Variants in CRYBA1 observed in about 807,000 individuals in gnomAD.
CRYBA1 encodes beta-crystallin A3.
CRYBA1 carries 25 observed loss-of-function variants against 36.2 expected under a neutral mutation model. The ratio of observed to expected loss-of-function variants is 0.69; its 90% CI spans 0.50 to 0.97. The LOEUF (loss-of-function observed/expected upper bound fraction) is 0.97, where lower values mean the gene tolerates loss of function less well. CRYBA1 is among the 50% of genes least tolerant of loss of function. CRYBA1 has a pLI of 0.00. For missense variants in CRYBA1, 224 were observed against 276.3 expected (o/e 0.81, Z 1.34); for synonymous variants, 111 against 90.0 (o/e 1.23, Z -1.32).
chr17:29,252,038 G>A, intron 3 of CRYBA1, 26 bp from the exon 4 acceptor site: 2 of 1,614,130 alleles, frequency 1.2e-6, no homozygotes, highest in Middle Eastern at 1.6e-4. Flanking sequence ...TGAACACCAT[G>A]AACAAACACT....
At position 29,246,860 on chromosome 17, in the gene CRYBA1, C is replaced by T. The variant is rs1254310688; in HGVS notation, c.-4C>T. The T allele has an allele frequency of 1.2e-6, 2 of 1,612,556 alleles. No individual in the cohort carries two copies. Among genetic ancestry groups the T allele is most frequent in the Non-Finnish European group, 1.7e-6 (2 of 1,179,734 alleles). ...GAGGAGGGCCACAGAGCAAGTGGTACCAGATGGAGACCCAGGCTGAGCAGC... is the reference window on the plus strand; with the variant it reads ...GAGGAGGGCCACAGAGCAAGTGGTATCAGATGGAGACCCAGGCTGAGCAGC... On this transcript the variant is annotated 5_prime_UTR_variant, in exon 1 of 6. Transcript: ENST00000225387.
At chr17:29,250,994 A>C (rs1012737923) in intron 3 of CRYBA1, among the ~76,000 whole-genome samples, 1 of 152,222 alleles carries the variant, frequency 6.6e-6, no homozygotes, top group Non-Finnish European at 1.5e-5. Flanking sequence ...ACCAAAATTA[A>C]GCTCTTCAGT....
Position 29,250,214 on chromosome 17 carries a change from C to A in CRYBA1, c.129C>A (p.Gly43=). 6.2e-7 allele frequency: 1 copy of A among 1,610,300 alleles called. No homozygotes were observed. Among genetic ancestry groups the A allele is most frequent in the Non-Finnish European group, 8.5e-7 (1 of 1,176,454 alleles). ...ITIYDQENFQ[G]KRMEFTSSCP... is the part of the protein sequence containing the mutation. ...TCTATGATCAGGAGAACTTTCAGGG[C>A]AAGAGGATGGAGTTCACCAGCTCCT... Residue 43 remains glycine (G), a synonymous_variant, in exon 3 of 6, where the codon GGC becomes GGA. Transcript: ENST00000225387.
At chr17:29,251,799 G>A (rs1433778827) in intron 3 of CRYBA1, among the ~76,000 whole-genome samples, 2 of 152,136 alleles carry the variant, frequency 1.3e-5, no homozygotes, top group Non-Finnish European at 2.9e-5. Flanking sequence ...ATTTTAGATT[G>A]GCTTTGCTAA....
intron 2 of CRYBA1, among the ~76,000 whole-genome samples, 191 bp downstream of exon 2, chr17:29,249,397 G>A (rs2068921904): frequency 6.6e-6 from 1 of 152,242 alleles, no homozygotes; most frequent in Admixed American, 6.5e-5. Flanking sequence ...AAGGAAGGAT[G>A]ACTGTGGATG....
At chr17:29,254,064 T>C in intron 5 of CRYBA1, 138 bp from the exon 6 acceptor site, 2 of 966,236 alleles carry the variant, frequency 2.1e-6, no homozygotes, top group South Asian at 1.4e-5. Flanking sequence ...AAATAGTGCC[T>C]GACACATTTA....
Position 29,246,900 on chromosome 17 carries a change from T to C in CRYBA1, c.31+6T>C. 1 of 1,610,336 alleles carries C rather than the reference T, an allele frequency of 6.2e-7. No individual in the cohort carries two copies. Among genetic ancestry groups the C allele is most frequent in the Non-Finnish European group, 8.5e-7 (1 of 1,178,752 alleles). On this transcript the variant is annotated splice_donor_region_variant and intron_variant, in intron 1 of 5. Coordinates refer to ENST00000225387, the MANE Select transcript of CRYBA1 (RefSeq NM_005208.5). ...GGCTGAGCAGCAGGAGCTGGGTGAG[T>C]AAGGCCCTCAGGGTGCCCTTGCCCT...
chr17:29,247,192 T>C (rs1391733069), intron 1 of CRYBA1, among the ~76,000 whole-genome samples: 2 of 152,122 alleles, frequency 1.3e-5, no homozygotes, highest in African/African-American at 4.8e-5. Context: ...AGATTCAGAA[T>C]GGAAAAATAT....
At chr17:29,248,747 A>G (rs2068917052) in intron 1 of CRYBA1, among the ~76,000 whole-genome samples, 1 of 151,624 alleles carries the variant, frequency 6.6e-6, no homozygotes, top group South Asian at 2.1e-4. Flanking sequence ...GCGGTGGATC[A>G]CTTGAGGTCA....
intron 4 of CRYBA1, among the ~76,000 whole-genome samples, chr17:29,252,970 C>T (rs974634960): frequency 6.6e-6 from 1 of 152,162 alleles, no homozygotes; most frequent in African/African-American, 2.4e-5. Flanking sequence ...CTTTTAAAAA[C>T]ATTTCATTTG....
Position 29,250,163 on chromosome 17 carries a change from CCATT to C in CRYBA1, c.97-16_97-13del. ...TTCCTGATGTTCTAGCTCTCTTGCG[CCATT>C]CAATCTCATTTCAGATAACCATCTA... On this transcript the variant is annotated splice_polypyrimidine_tract_variant and intron_variant, in intron 2 of 5. Coordinates refer to ENST00000225387, the MANE Select transcript of CRYBA1 (RefSeq NM_005208.5). The C allele has an allele frequency of 1.5e-6, 2 of 1,338,884 alleles. No homozygotes were observed. Among genetic ancestry groups the C allele is most frequent in the South Asian group, 1.2e-5 (1 of 85,588 alleles). 82.9% of individuals were successfully genotyped at this position (1,338,884 alleles called of 1,614,324 possible). A position where few individuals can be genotyped will look rare whatever the true frequency, so the allele number is the denominator to read the frequency against.
Position 29,254,243 on chromosome 17 carries a change from A to C in CRYBA1, c.542A>C (p.Tyr181Ser), listed in dbSNP as rs748058848. The change falls in exon 6 of 6, where the codon TAT (tyrosine) becomes TCT (serine). Residue 181 changes from tyrosine to serine, a missense_variant. By Grantham distance (144) the Tyr-to-Ser change is moderately radical. Coordinates refer to ENST00000225387, the MANE Select transcript of CRYBA1 (RefSeq NM_005208.5). ...TATCCTGGATATCGTGGGTATCAGTATATCTTGGAATGTGACCATCATGGA... is the reference window on the plus strand; with the variant it reads ...TATCCTGGATATCGTGGGTATCAGTCTATCTTGGAATGTGACCATCATGGA... ...YQYPGYRGYQ[Y>S]ILECDHHGGD... 2.5e-6 allele frequency: 4 copies of C among 1,614,176 alleles called. No homozygotes were observed. Among genetic ancestry groups the C allele is most frequent in the Admixed American group, 3.3e-5 (2 of 60,016 alleles).
At chr17:29,248,491 A>T (rs1188613667) in intron 1 of CRYBA1, among the ~76,000 whole-genome samples, 2 of 150,610 alleles carry the variant, frequency 1.3e-5, no homozygotes, top group Non-Finnish European at 3.0e-5. Context: ...CAGCCTCCCG[A>T]GTAGCTGGGA....
Position 29,253,738 on chromosome 17 carries a change from C to A in CRYBA1, c.456C>A (p.Gly152=). ...ACTACCCCTCCTTGCAAGCCATGGG[C>A]TGGTTCAACAACGAAGTCGGCTCCA... ...SDDYPSLQAM[G]WFNNEVGSMK... is the part of the protein sequence containing the mutation. Residue 152 remains glycine, a synonymous_variant, in exon 5 of 6, where the codon GGC becomes GGA. Transcript: ENST00000225387. 6.2e-7 allele frequency: 1 copy of A among 1,613,924 alleles called. No individual in the cohort carries two copies. The highest frequency in any genetic ancestry group is 8.5e-7 in the Non-Finnish European group (1 of 1,179,978).
intron 3 of CRYBA1, 64 bp downstream of exon 3, chr17:29,250,364 A>C: frequency 1.1e-6 from 1 of 923,108 alleles, no homozygotes; most frequent in Non-Finnish European, 1.8e-6. Flanking sequence ...AGGGGACCAT[A>C]GAGTGGGGAT....
At position 29,254,460 on chromosome 17, in the gene CRYBA1, G is replaced by C. The variant is rs532620281; in HGVS notation, c.*111G>C. Reference sequence around the variant, plus strand: ...ACATTGCTTTCAAATGTTAGCTGCTGAAATCCACAATAAACGTCATTTAAA... The same window carrying C: ...ACATTGCTTTCAAATGTTAGCTGCTCAAATCCACAATAAACGTCATTTAAA... On this transcript the variant is annotated 3_prime_UTR_variant, in exon 6 of 6. Transcript: ENST00000225387. 1 of 1,161,104 alleles carries C rather than the reference G, an allele frequency of 8.6e-7. No homozygotes were observed. Among genetic ancestry groups the C allele is most frequent in the African/African-American group, 1.5e-5 (1 of 64,878 alleles). The allele number at this position is 1,161,104 out of a possible 1,614,324, so 71.9% of individuals were successfully genotyped here.
At chr17:29,246,998 G>T in intron 1 of CRYBA1, 104 bp downstream of exon 1, 1 of 1,319,432 alleles carries the variant, frequency 7.6e-7, no homozygotes, top group Middle Eastern at 2.5e-4. Flanking sequence ...GAGCCTTCTA[G>T]GGTGGCTGGA....
intron 1 of CRYBA1, among the ~76,000 whole-genome samples, chr17:29,248,113 T>C (rs1483113454): frequency 6.8e-6 from 1 of 147,924 alleles, no homozygotes; most frequent in Non-Finnish European, 1.5e-5. Context: ...TGAAACTCTA[T>C]CTCAAAAAAA....
chr17:29,248,757 A>G (rs2068917124), intron 1 of CRYBA1, among the ~76,000 whole-genome samples: 1 of 151,658 alleles, frequency 6.6e-6, no homozygotes, highest in Non-Finnish European at 1.5e-5. Flanking sequence ...ACTTGAGGTC[A>G]GGAGTTTGGG....
Sources: gnomAD v4.1 joint callset for allele counts (sites outside exome capture counted in the v4.1 genomes callset) on GRCh38, gnomAD v4.1.1 for gene constraint, MANE v1.5 for transcripts, NCBI Gene and HGNC (gene_info 2026-07-23, HGNC 2026-07-21) for gene names.